Variants in TOP1 observed in about 807,000 individuals in gnomAD.
TOP1 encodes the protein DNA topoisomerase I, also known as DNA topoisomerase 1.
TOP1 carries 10 observed loss-of-function variants against 111.1 expected under a neutral mutation model. The ratio of observed to expected loss-of-function variants is 0.09; its 90% confidence interval spans 0.06 to 0.15. The LOEUF is 0.15. TOP1 is among the 10% of genes least tolerant of loss of function. The probability of loss-of-function intolerance (pLI) is 1.00; values close to 1 mark genes in which losing one functional copy is unlikely to be tolerated. For synonymous variants in TOP1, 271 were observed against 302.9 expected (o/e 0.89, Z 1.10); for missense variants, 474 against 926.7 (o/e 0.51, Z 6.34).
rs1182929030 is a variant in TOP1, at chr20:41,122,824, A to C, written c.2196-371A>C. Among the ~76,000 whole-genome samples the C allele has an allele frequency of 2.6e-5, 4 of 152,140 alleles. No individual in the cohort carries two copies. The highest frequency in any genetic ancestry group is 4.4e-5 in the Non-Finnish European group (3 of 68,024). On this transcript the variant is annotated intron_variant, in intron 20 of 20. Transcript: ENST00000361337. The surrounding 1 kb of genome is among the most constrained non-coding windows in gnomAD (Gnocchi z 5.4). ...CTCGTTTTGCCTTGTTTGGTGCTAG[A>C]GATTTGGTTAGCTCTTAAAAGGCAA...
At position 41,118,335 on chromosome 20, in the gene TOP1, G is replaced by C. The variant is rs755524453; in HGVS notation, c.1950+39G>C. 2 of 1,607,978 alleles carry C rather than the reference G, an allele frequency of 1.2e-6. No individual in the cohort carries two copies. Among genetic ancestry groups the C allele is most frequent in the South Asian group, 2.2e-5 (2 of 90,752 alleles). ...AATGAAGGGAACTGTGTCTGCTGTG[G>C]GCAGATTATCTGCGAATGAGAGGAT... On this transcript the variant is annotated intron_variant, in intron 18 of 20. Coordinates refer to ENST00000361337, the MANE Select transcript of TOP1 (RefSeq NM_003286.4). The surrounding 1 kb of genome is among the most constrained non-coding windows in gnomAD (Gnocchi z 4.6).
Position 41,118,219 on chromosome 20 carries a change from G to A in TOP1, c.1873G>A (p.Ala625Thr), listed in dbSNP as rs2034365325. ...CCTTTCTTATAACCGTGCCAATCGA[G>A]CTGTTGCAATTCTTTGTAACCATCA... Reference protein sequence around the residue: ...KILSYNRANRAVAILCNHQRA... With the variant: ...KILSYNRANRTVAILCNHQRA... The change falls in exon 18 of 21, where the codon GCT becomes ACT. Residue 625 changes from alanine to threonine, a missense_variant. By Grantham distance (58) the Ala-to-Thr change is moderately conservative (BLOSUM62 0). Transcript: ENST00000361337. This position sits in a 1 kb window ranked among gnomAD's most constrained non-coding sequence, Gnocchi z 4.6. 6.2e-7 allele frequency: 1 copy of A among 1,614,008 alleles called. No individual in the cohort carries two copies.
chr20:41,047,892 C>T (rs753971302), intron 2 of TOP1, among the ~76,000 whole-genome samples: 1 of 152,104 alleles, frequency 6.6e-6, no homozygotes, highest in Non-Finnish European at 1.5e-5. Context: ...ATGACTCCAC[C>T]CATTAGCGTC....
At chr20:41,036,549 T>G (rs983017322) in intron 2 of TOP1, among the ~76,000 whole-genome samples, 1 of 152,250 alleles carries the variant, frequency 6.6e-6, no homozygotes, top group African/African-American at 2.4e-5. Flanking sequence ...AGACAGCCTC[T>G]ATTCTCAACT....
Position 41,121,797 on chromosome 20 carries a change from A to G in TOP1, c.2045+7A>G. 6.2e-7 allele frequency: 1 copy of G among 1,613,294 alleles called. No individual in the cohort carries two copies. The highest frequency in any genetic ancestry group is 8.5e-7 in the Non-Finnish European group (1 of 1,179,182). On this transcript the variant is annotated splice_region_variant and intron_variant, in intron 19 of 20. Transcript: ENST00000361337. This position sits in a 1 kb window ranked among gnomAD's most constrained non-coding sequence, Gnocchi z 4.2. The stretch of plus-strand genomic sequence containing the variant: ...AGGATGCAAAGACGAAGAAGTATGT[A>G]CCTGGTATTGTGAAAGTTGGGGCTG...
At chr20:41,084,787 A>G (rs893601037) in intron 8 of TOP1, among the ~76,000 whole-genome samples, 10 of 152,188 alleles carry the variant, frequency 6.6e-5, no homozygotes, top group Admixed American at 6.5e-4. Flanking sequence ...ACCACTGTGA[A>G]CAGAATGGAC....
chr20:41,103,074 G>A (rs935800589), intron 13 of TOP1, among the ~76,000 whole-genome samples: 10 of 152,190 alleles, frequency 6.6e-5, no homozygotes, highest in Admixed American at 3.3e-4. Flanking sequence ...AGTGGTGACA[G>A]TTGCACAACA....
At chr20:41,113,832 A>G (rs2034284667) in intron 14 of TOP1, 138 bp from the exon 15 acceptor site, 1 of 624,560 alleles carries the variant, frequency 1.6e-6, no homozygotes, top group East Asian at 2.9e-5. Context: ...GCAGTGAGCC[A>G]AAATTGCGCC....
rs200111693 is a variant in TOP1 at position 41,061,252 on chromosome 20, CT to C, written c.59-133del. The stretch of plus-strand genomic sequence containing the variant: ...CTTTGTCTGGGCTTCTTTGTGAAAG[CT>C]TTTTTTTTCAGTGGCATGTGCTATT... On this transcript the variant is annotated intron_variant, in intron 2 of 20. Transcript: ENST00000361337. This position sits in a 1 kb window ranked among gnomAD's most constrained non-coding sequence, Gnocchi z 4.6. 882 of 695,814 alleles carry C rather than the reference CT, an allele frequency of 1.3e-3. 2 individuals are homozygous for C. The highest frequency in any genetic ancestry group is 6.7e-3 in the African/African-American group (375 of 55,952). The allele number at this position is 695,814 out of a possible 1,614,324, so 43.1% of individuals were successfully genotyped here.
chr20:41,088,785 T>C (rs961392304), intron 8 of TOP1, among the ~76,000 whole-genome samples: 53 of 152,166 alleles, frequency 3.5e-4, no homozygotes, highest in Admixed American at 3.5e-3. Context: ...AGGTTAGTTA[T>C]AGAAGATCTT....
chr20:41,055,439 C>T (rs1037903863), intron 2 of TOP1, among the ~76,000 whole-genome samples: 7 of 152,208 alleles, frequency 4.6e-5, no homozygotes, highest in Non-Finnish European at 8.8e-5. Flanking sequence ...GTTTTCACCA[C>T]GAGGGATGTA....
intron 2 of TOP1, among the ~76,000 whole-genome samples, chr20:41,037,173 G>C (rs1461392342): frequency 6.6e-6 from 1 of 152,132 alleles, no homozygotes; most frequent in African/African-American, 2.4e-5. Context: ...AGTGGTCATT[G>C]CCAAAGGAAC....
intron 2 of TOP1, among the ~76,000 whole-genome samples, chr20:41,047,850 G>A (rs1165536649): frequency 6.6e-6 from 1 of 152,152 alleles, no homozygotes; most frequent in Non-Finnish European, 1.5e-5. Flanking sequence ...GAGCCCCACT[G>A]GCAGGACTCA....
At position 41,123,368 on chromosome 20, in the gene TOP1, A is replaced by C; in HGVS notation, c.*71A>C. On this transcript the variant is annotated 3_prime_UTR_variant, in exon 21 of 21. Transcript: ENST00000361337. This position sits in a 1 kb window ranked among gnomAD's most constrained non-coding sequence, Gnocchi z 5.8. ...GGGAAAGATGGATAAACTGAGCCTC[A>C]CTTGCCCTCGTGCCTGGGGGAGAGA... is the stretch of plus-strand genomic sequence containing the variant. 8.6e-7 allele frequency: 1 copy of C among 1,165,322 alleles called. No homozygotes were observed. Among genetic ancestry groups the C allele is most frequent in the Non-Finnish European group, 1.3e-6 (1 of 788,492 alleles). The allele number at this position is 1,165,322 out of a possible 1,614,324, so 72.2% of individuals were successfully genotyped here. A position where few individuals can be genotyped will look rare whatever the true frequency, so the allele number is the denominator to read the frequency against.
chr20:41,065,338 CG>C (rs1442605012), intron 3 of TOP1, among the ~76,000 whole-genome samples: 1 of 152,176 alleles, frequency 6.6e-6, no homozygotes, highest in African/African-American at 2.4e-5. Flanking sequence ...TTTCTTCTCA[CG>C]TACTCTTAAT....
At position 41,029,499 on chromosome 20, in the gene TOP1, G is replaced by C; in HGVS notation, c.58+44G>C. The C allele has an allele frequency of 6.6e-7, 1 of 1,517,340 alleles. No homozygotes were observed. Among genetic ancestry groups the C allele is most frequent in the Non-Finnish European group, 8.9e-7 (1 of 1,120,810 alleles). The allele number at this position is 1,517,340 out of a possible 1,614,324, so 94.0% of individuals were successfully genotyped here. ...CCGACTCCGGGGCCCCCCAGCCGCCGGCCGCCTCCCCCGCGCCCTGCCGGT... is the reference window on the plus strand; with the variant it reads ...CCGACTCCGGGGCCCCCCAGCCGCCCGCCGCCTCCCCCGCGCCCTGCCGGT... On this transcript the variant is annotated intron_variant, in intron 2 of 20. Transcript: ENST00000361337. This position sits in a 1 kb window ranked among gnomAD's most constrained non-coding sequence, Gnocchi z 6.1.
intron 8 of TOP1, among the ~76,000 whole-genome samples, chr20:41,091,051 AT>A (rs1319865776): frequency 6.6e-6 from 1 of 152,186 alleles, no homozygotes; most frequent in Non-Finnish European, 1.5e-5. Context: ...GGTCTTAAGC[AT>A]CTTGTTGTAA....
chr20:41,123,322 TGA>T lies in TOP1; in HGVS notation c.*26_*27del, dbSNP rs761964346. 5.2e-6 allele frequency: 8 copies of T among 1,546,868 alleles called. No individual in the cohort carries two copies. The South Asian group carries it at 8.9e-5, about 17-fold the overall frequency. ...GCCAGTCTCAAGAGGCAGAGTTCTG[TGA>T]AGAGGAACAGTGTGGTTTGGGAAAG... On this transcript the variant is annotated 3_prime_UTR_variant, in exon 21 of 21. Coordinates refer to ENST00000361337, the MANE Select transcript of TOP1 (RefSeq NM_003286.4). The surrounding 1 kb of genome is among the most constrained non-coding windows in gnomAD (Gnocchi z 5.8).
intron 8 of TOP1, among the ~76,000 whole-genome samples, chr20:41,090,688 AGACGG>A (rs1400591626): frequency 1.9e-4 from 28 of 144,260 alleles, no homozygotes; most frequent in African/African-American, 7.0e-4. Flanking sequence ...TTTTTAGTAG[AGACGG>A]GGGGGTCTCG....
Sources: allele counts gnomAD v4.1 joint callset (sites outside exome capture counted in the v4.1 genomes callset), GRCh38; gene constraint gnomAD v4.1.1; non-coding constraint Gnocchi (gnomAD v3.1); transcripts MANE v1.5; gene names NCBI Gene and HGNC (gene_info 2026-07-23, HGNC 2026-07-21).